Variants in RARRES1 observed in about 807,000 individuals in gnomAD.
RARRES1 encodes retinoic acid receptor responder 1.
RARRES1 carries 34 observed loss-of-function variants against 30.6 expected under a neutral mutation model. The observed-to-expected ratio is 1.11, with a 90% CI of 0.84 to 1.48. RARRES1 has a LOEUF of 1.48. RARRES1 is among the 40% of genes most tolerant of loss of function. RARRES1 has a pLI of 0.00. For missense variants in RARRES1, 373 were observed against 386.5 expected (o/e 0.97, Z 0.29); for synonymous variants, 153 against 155.5 (o/e 0.98, Z 0.12).
At position 158,704,842 on chromosome 3, in the gene RARRES1, T is replaced by C; in HGVS notation, c.621A>G (p.Thr207=). 6.2e-7 allele frequency: 1 copy of C among 1,614,122 alleles called. No individual in the cohort carries two copies. Among genetic ancestry groups the C allele is most frequent in the East Asian group, 2.2e-5 (1 of 44,886 alleles). The part of the protein sequence containing the change: ...LGSSYVMWEM[T]TQVSHYYLAQ... Reference sequence around the variant, plus strand: ...CCAAGTAGTAGTGTGACACCTGTGTTGTCATTTCCCACATCACGTAAGAGC... The same window carrying C: ...CCAAGTAGTAGTGTGACACCTGTGTCGTCATTTCCCACATCACGTAAGAGC... Residue 207 remains threonine (T), a synonymous_variant, in exon 4 of 6, where the codon ACA becomes ACG. Transcript: ENST00000237696.
chr3:158,732,225 C>CGCGCCGCCT lies in RARRES1; in HGVS notation c.182_190dup (p.Gln61_Ala63dup). ...GAAGTTGAAGAAGTGAAGCGCCGCG[C>CGCGCCGCCT]GCGCCGCCTGCTGCAGGAGCCTGCG... On this transcript the variant is annotated inframe_insertion, in exon 1 of 6. Coordinates refer to ENST00000237696, the MANE Select transcript of RARRES1 (RefSeq NM_206963.2). 1 of 1,403,798 alleles carries CGCGCCGCCT rather than the reference C, an allele frequency of 7.1e-7. No individual in the cohort carries two copies. Among genetic ancestry groups the CGCGCCGCCT allele is most frequent in the Non-Finnish European group, 9.2e-7 (1 of 1,085,790 alleles). The allele number at this position is 1,403,798 out of a possible 1,614,324, so 87.0% of individuals were successfully genotyped here.
At chr3:158,731,037 C>A (rs936342566) in intron 1 of RARRES1, among the ~76,000 whole-genome samples, 1 of 152,164 alleles carries the variant, frequency 6.6e-6, no homozygotes, top group African/African-American at 2.4e-5. Context: ...CCTGTCTCGG[C>A]CTCCCAAAGT....
intron 1 of RARRES1, among the ~76,000 whole-genome samples, chr3:158,720,233 G>GGGGTGTGTGT (rs1553745427): frequency 5.0e-4 from 70 of 139,260 alleles, no homozygotes; most frequent in African/African-American, 1.9e-3. Context: ...GCTGGCTGCT[G>GGGGTGTGTGT]GTGTGTGTGT....
intron 3 of RARRES1, 86 bp from the exon 4 acceptor site, chr3:158,705,013 C>T (rs1726870050): frequency 6.6e-7 from 1 of 1,505,508 alleles, no homozygotes. Flanking sequence ...AGGGTTTAAA[C>T]TTAGTCATAC....
At chr3:158,720,299 C>T (rs994301433) in intron 1 of RARRES1, among the ~76,000 whole-genome samples, 160 of 138,878 alleles carry the variant, frequency 1.2e-3, no homozygotes, top group African/African-American at 4.4e-3. Flanking sequence ...AGAGAGAGAG[C>T]GCTGGGATGC....
intron 3 of RARRES1, among the ~76,000 whole-genome samples, chr3:158,709,485 A>AC (rs1576813019): frequency 6.6e-6 from 1 of 152,246 alleles, no homozygotes; most frequent in African/African-American, 2.4e-5. Flanking sequence ...ATTGCTTGGC[A>AC]CAGGATTTGA....
intron 1 of RARRES1, among the ~76,000 whole-genome samples, chr3:158,729,666 C>G (rs2108157313): frequency 6.6e-6 from 1 of 152,184 alleles, no homozygotes; most frequent in South Asian, 2.1e-4. Context: ...CTTGGCCAGG[C>G]TGGTCTTGAA....
At chr3:158,730,617 A>AT (rs1342079071) in intron 1 of RARRES1, among the ~76,000 whole-genome samples, 8 of 150,704 alleles carry the variant, frequency 5.3e-5, no homozygotes, top group East Asian at 3.9e-4. Context: ...TTAATTTTTA[A>AT]TTTTTTTTAT....
At chr3:158,721,204 G>C (rs1322590074) in intron 1 of RARRES1, among the ~76,000 whole-genome samples, 2 of 152,164 alleles carry the variant, frequency 1.3e-5, no homozygotes, top group African/African-American at 4.8e-5. Context: ...GCAGTTAGCA[G>C]ATTAAGTCAG....
At position 158,697,743 on chromosome 3, in the gene RARRES1, G is replaced by C. The variant is rs1375217944; in HGVS notation, c.820C>G (p.Pro274Ala). ...VKYHCQELQTPEEASGTEEGS... is the reference protein window; with the variant it reads ...VKYHCQELQTAEEASGTEEGS... ...TCTTCAGTTCCGGAGGCTTCTTCTG[G>C]TGTCTGTAGCTCTTGACAGTGGTAC... The change falls in exon 6 of 6, where the codon CCA becomes GCA. Residue 274 changes from proline to alanine, a missense_variant. Transcript: ENST00000237696. The C allele has an allele frequency of 6.2e-7, 1 of 1,612,472 alleles. No individual in the cohort carries two copies. Among genetic ancestry groups the C allele is most frequent in the Non-Finnish European group, 8.5e-7 (1 of 1,178,532 alleles).
intron 1 of RARRES1, among the ~76,000 whole-genome samples, chr3:158,730,616 A>T (rs1727852724): frequency 6.6e-6 from 1 of 151,254 alleles, no homozygotes; most frequent in South Asian, 2.1e-4. Flanking sequence ...TTTAATTTTT[A>T]ATTTTTTTTA....
chr3:158,705,041 G>C lies in RARRES1; in HGVS notation c.536-114C>G. The C allele has an allele frequency of 2.2e-6, 3 of 1,342,232 alleles. No individual in the cohort carries two copies. The East Asian group carries it at 7.3e-5, about 33-fold the overall frequency. The allele number at this position is 1,342,232 out of a possible 1,614,324, so 83.1% of individuals were successfully genotyped here. ...AGTCATACCAGTCATCTCTCTCACA[G>C]CAAGACCTTGAGCCATATATGTGAT... On this transcript the variant is annotated intron_variant, in intron 3 of 5. Transcript: ENST00000237696.
intron 3 of RARRES1, among the ~76,000 whole-genome samples, chr3:158,707,107 T>G (rs2108135134): frequency 6.6e-6 from 1 of 152,246 alleles, no homozygotes; most frequent in Non-Finnish European, 1.5e-5. Flanking sequence ...AGACAGACGT[T>G]GCAGTGAACC....
chr3:158,703,913 C>T (rs576370305), intron 4 of RARRES1, among the ~76,000 whole-genome samples: 2 of 152,240 alleles, frequency 1.3e-5, no homozygotes, highest in Admixed American at 1.3e-4. Flanking sequence ...CTCTTCTGTC[C>T]AGAAGATTAT....
Position 158,710,835 on chromosome 3 carries a change from T to C in RARRES1, c.438A>G (p.Thr146=), listed in dbSNP as rs1727102896. ...GTCTTTTCTTTTTCTCGATGAGCCG[T>C]GTACAAGTTACATTGATGGTTGGTC... ...KPRPTINVTC[T]RLIEKKKRQQ... is the part of the protein sequence containing the mutation. The change falls in exon 3 of 6, where the codon ACA becomes ACG. Residue 146 remains threonine, a synonymous_variant. Coordinates refer to ENST00000237696, the MANE Select transcript of RARRES1 (RefSeq NM_206963.2). 6.2e-7 allele frequency: 1 copy of C among 1,613,656 alleles called. No individual in the cohort carries two copies.
chr3:158,714,539 G>A (rs1266360513), intron 1 of RARRES1, among the ~76,000 whole-genome samples: 2 of 152,210 alleles, frequency 1.3e-5, no homozygotes, highest in Non-Finnish European at 2.9e-5. Flanking sequence ...GTCTTCCAAT[G>A]CTATGCTCTT....
chr3:158,731,120 T>C (rs769633839), intron 1 of RARRES1, among the ~76,000 whole-genome samples: 1 of 152,222 alleles, frequency 6.6e-6, no homozygotes, highest in Non-Finnish European at 1.5e-5. Flanking sequence ...ATTTAATCAT[T>C]CAATAAATAC....
At chr3:158,719,833 TTTTA>T (rs1249138212) in intron 1 of RARRES1, among the ~76,000 whole-genome samples, 1 of 152,202 alleles carries the variant, frequency 6.6e-6, no homozygotes, top group Non-Finnish European at 1.5e-5. Context: ...TCACACTAGA[TTTTA>T]TTTATTTATG....
At chr3:158,713,924 T>C in intron 1 of RARRES1, 65 bp from the exon 2 acceptor site, 2 of 1,404,596 alleles carry the variant, frequency 1.4e-6, no homozygotes, top group Non-Finnish European at 2.0e-6. Context: ...TATCCAGGAA[T>C]CACACTCTTA....
Sources: allele counts gnomAD v4.1 joint callset (sites outside exome capture counted in the v4.1 genomes callset), GRCh38; gene constraint gnomAD v4.1.1; transcripts MANE v1.5; gene names NCBI Gene and HGNC (gene_info 2026-07-23, HGNC 2026-07-21).